The following MAML3 variants were observed in gnomAD, a reference collection of about 807,000 sequenced individuals.
MAML3 encodes the protein mastermind-like protein 3.
MAML3 carries 27 observed loss-of-function variants against 101.9 expected under a neutral mutation model. The observed-to-expected ratio is 0.27, with a 90% confidence interval of 0.20 to 0.37. The LOEUF (loss-of-function observed/expected upper bound fraction) is 0.37. MAML3 is among the 10% of genes least tolerant of loss of function. The pLI is 1.00. For missense variants in MAML3, 1,316 were observed against 1,444.9 expected, an observed-to-expected ratio of 0.91 and a Z score of 1.45; for synonymous variants, 501 against 555.9, an observed-to-expected ratio of 0.90 and a Z score of 1.39.
intron 2 of MAML3, among the ~76,000 whole-genome samples, chr4:139,733,974 G>A (rs1728826505): frequency 6.6e-6 from 1 of 152,244 alleles, no homozygotes; most frequent in African/African-American, 2.4e-5. Context: ...TTACAAGCAT[G>A]AGCCACTGCT....
In MAML3 at chr4:140,143,775, G is replaced by A. The variant is rs141322255; in HGVS notation, c.468+9085C>T. Among the ~76,000 whole-genome samples, 890 of 151,958 alleles carry A rather than the reference G, an allele frequency of 5.9e-3. 9 individuals are homozygous for A. The highest frequency in any genetic ancestry group is 0.014 in the South Asian group (69 of 4,814). On this transcript the variant is annotated intron_variant, in intron 1 of 4. Coordinates refer to ENST00000509479, the MANE Select transcript of MAML3 (RefSeq NM_018717.5). ...GACTCTGTCTCAAAAAAAGACAACC[G>A]TTCACCTTTCTGACAGGCAAGAAGA...
intron 1 of MAML3, among the ~76,000 whole-genome samples, chr4:140,106,163 C>T (rs946874229): frequency 2.4e-5 from 3 of 123,416 alleles, no homozygotes; most frequent in East Asian, 2.5e-4. Context: ...GCATCTAAAA[C>T]AATCTGGGGA....
At chr4:139,860,197 G>C (rs890768911) in intron 2 of MAML3, among the ~76,000 whole-genome samples, 1 of 152,258 alleles carries the variant, frequency 6.6e-6, no homozygotes, top group Admixed American at 6.5e-5. Context: ...CCGTGGGGTC[G>C]GAGTCGCTTC....
At chr4:140,101,440 C>T (rs1360469369) in intron 1 of MAML3, among the ~76,000 whole-genome samples, 1 of 152,106 alleles carries the variant, frequency 6.6e-6, no homozygotes, top group Non-Finnish European at 1.5e-5. Flanking sequence ...ATGTATAATA[C>T]ACATTTCTTT....
intron 1 of MAML3, among the ~76,000 whole-genome samples, chr4:139,996,023 T>G (rs1734802593): frequency 6.6e-6 from 1 of 152,094 alleles, no homozygotes; most frequent in Non-Finnish European, 1.5e-5. Flanking sequence ...TTATCTAACT[T>G]TTTCTTTTAC....
At chr4:139,758,201 AC>A (rs1186385261) in intron 2 of MAML3, among the ~76,000 whole-genome samples, 1 of 152,140 alleles carries the variant, frequency 6.6e-6, no homozygotes, top group Non-Finnish European at 1.5e-5. Flanking sequence ...TCAACTCAGG[AC>A]AACTTTTAAA....
chr4:139,989,679 G>GT (rs1479228579), intron 1 of MAML3, among the ~76,000 whole-genome samples: 1 of 152,016 alleles, frequency 6.6e-6, no homozygotes, highest in Non-Finnish European at 1.5e-5. Flanking sequence ...CTACCCAGGT[G>GT]TTTTTGTCAG....
intron 1 of MAML3, among the ~76,000 whole-genome samples, chr4:140,047,552 G>A (rs941592317): frequency 1.3e-5 from 2 of 152,164 alleles, no homozygotes; most frequent in African/African-American, 4.8e-5. Flanking sequence ...CTCAGCACAG[G>A]GCTGAGCACA....
At chr4:139,863,626 C>T (rs1020215543) in intron 2 of MAML3, among the ~76,000 whole-genome samples, 25 of 152,020 alleles carry the variant, frequency 1.6e-4, no homozygotes, top group Non-Finnish European at 3.5e-4. Flanking sequence ...TGTGAGCCAC[C>T]GTGCCCAGCT....
intron 1 of MAML3, among the ~76,000 whole-genome samples, chr4:140,112,735 G>A (rs2111013327): frequency 6.6e-6 from 1 of 152,280 alleles, no homozygotes; most frequent in East Asian, 1.9e-4. Context: ...CAGGAGGTGT[G>A]GGTTACTTCC....
At chr4:140,052,827 G>T (rs1727290930) in intron 1 of MAML3, among the ~76,000 whole-genome samples, 2 of 151,942 alleles carry the variant, frequency 1.3e-5, no homozygotes, top group South Asian at 4.1e-4. Flanking sequence ...AAGCCACCGT[G>T]CCTGGCAAAA....
At chr4:140,024,230 T>TC in intron 1 of MAML3, among the ~76,000 whole-genome samples, 1 of 150,696 alleles carries the variant, frequency 6.6e-6, no homozygotes, top group East Asian at 1.9e-4. Flanking sequence ...TTGATTGATT[T>TC]TTTTTTTTTT....
chr4:139,946,556 T>C (rs1733730187), intron 1 of MAML3, among the ~76,000 whole-genome samples: 1 of 152,154 alleles, frequency 6.6e-6, no homozygotes, highest in African/African-American at 2.4e-5. Context: ...GGGAATAATA[T>C]AATGAATAAT....
chr4:139,748,186 G>T (rs1729387408), intron 2 of MAML3, among the ~76,000 whole-genome samples: 1 of 152,074 alleles, frequency 6.6e-6, no homozygotes, highest in South Asian at 2.1e-4. Context: ...GCTCTAAGAG[G>T]GCCTCCATCT....
intron 2 of MAML3, among the ~76,000 whole-genome samples, chr4:139,815,296 C>A (rs1456224513): frequency 6.6e-6 from 1 of 152,172 alleles, no homozygotes; most frequent in East Asian, 1.9e-4. Context: ...TGAATCATTT[C>A]TCTTACAACA....
intron 1 of MAML3, among the ~76,000 whole-genome samples, chr4:139,916,615 G>A (rs778097637): frequency 1.3e-5 from 2 of 152,232 alleles, no homozygotes; most frequent in Non-Finnish European, 2.9e-5. Context: ...CTTAAAAGTC[G>A]AGAGGGCCAC....
intron 2 of MAML3, among the ~76,000 whole-genome samples, chr4:139,887,119 A>G (rs1732359755): frequency 1.3e-5 from 2 of 152,234 alleles, no homozygotes; most frequent in Admixed American, 1.3e-4. Context: ...TCGTGCTCGT[A>G]TTTGTGGAAT....
At chr4:139,974,451 C>G (rs1578624438) in intron 1 of MAML3, among the ~76,000 whole-genome samples, 1 of 152,052 alleles carries the variant, frequency 6.6e-6, no homozygotes, top group Non-Finnish European at 1.5e-5. Context: ...ACTATGTTAA[C>G]CACTATTATA....
intron 2 of MAML3, among the ~76,000 whole-genome samples, chr4:139,817,612 A>G (rs926981261): frequency 3.3e-5 from 5 of 152,176 alleles, no homozygotes; most frequent in African/African-American, 1.2e-4. Context: ...AGAGGACTGA[A>G]GTCACCTCCA....
Sources: gnomAD v4.1 joint callset for allele counts (sites outside exome capture counted in the v4.1 genomes callset) on GRCh38, gnomAD v4.1.1 for gene constraint, MANE v1.5 for transcripts, NCBI Gene and HGNC (gene_info 2026-07-23, HGNC 2026-07-21) for gene names.